QKI: variants seen among roughly 807,000 people sequenced by gnomAD.
QKI encodes QKI, KH domain containing RNA binding, also known as KH domain-containing RNA-binding protein QKI.
Under a neutral mutation model 39.0 loss-of-function variants are expected in QKI, and 10 were observed. The ratio of observed to expected loss-of-function variants is 0.26; its 90% CI spans 0.16 to 0.43. QKI has a LOEUF of 0.43. QKI is among the 20% of genes least tolerant of loss of function. QKI has a pLI of 1.00. For synonymous variants in QKI, 204 were observed against 155.4 expected (o/e 1.31, Z -2.33); for missense variants, 218 against 428.0 (o/e 0.51, Z 4.33).
At chr6:163,525,600 TC>T (rs1382861905) in intron 3 of QKI, among the ~76,000 whole-genome samples, 1 of 151,626 alleles carries the variant, frequency 6.6e-6, no homozygotes, top group Admixed American at 6.6e-5. Context: ...CTCGTGATCC[TC>T]CCCCCTCCCC....
intron 3 of QKI, among the ~76,000 whole-genome samples, chr6:163,521,824 A>G (rs1459217927): frequency 6.6e-6 from 1 of 152,052 alleles, no homozygotes; most frequent in African/African-American, 2.4e-5. Flanking sequence ...CCAGGCCTGT[A>G]TTTTTTAACC....
At chr6:163,490,401 C>A (rs554170901) in intron 3 of QKI, among the ~76,000 whole-genome samples, 1 of 152,152 alleles carries the variant, frequency 6.6e-6, no homozygotes, top group African/African-American at 2.4e-5. Flanking sequence ...TGAACTGATG[C>A]AGCGGAGATG....
At chr6:163,476,522 A>G (rs1792618775) in intron 2 of QKI, among the ~76,000 whole-genome samples, 2 of 152,180 alleles carry the variant, frequency 1.3e-5, no homozygotes, top group African/African-American at 4.8e-5. Flanking sequence ...AGTCTTTGAG[A>G]TGGAAGTCAT....
chr6:163,482,405 A>G (rs1793141084), intron 3 of QKI, among the ~76,000 whole-genome samples: 1 of 152,072 alleles, frequency 6.6e-6, no homozygotes. Context: ...TCTCCAGAAA[A>G]CACCATCTGA....
At chr6:163,431,623 G>C (rs1027753678) in intron 1 of QKI, among the ~76,000 whole-genome samples, 1 of 152,000 alleles carries the variant, frequency 6.6e-6, no homozygotes, top group Non-Finnish European at 1.5e-5. Context: ...TGTGAGATCT[G>C]TCAGTAACAC....
intron 3 of QKI, among the ~76,000 whole-genome samples, chr6:163,506,324 A>G (rs1025025065): frequency 2.6e-5 from 4 of 152,198 alleles, no homozygotes; most frequent in African/African-American, 9.6e-5. Context: ...TGAATGCACT[A>G]TAAAAGTGGT....
intron 3 of QKI, among the ~76,000 whole-genome samples, chr6:163,482,359 G>A (rs1158699593): frequency 2.6e-5 from 4 of 152,108 alleles, no homozygotes; most frequent in Non-Finnish European, 4.4e-5. Context: ...TGTGACCCCA[G>A]ATGTTGTAAG....
chr6:163,566,043 CG>C (rs1783344572), intron 6 of QKI: 4 of 1,578,732 alleles, frequency 2.5e-6, no homozygotes, highest in Admixed American at 3.5e-5. Flanking sequence ...CAGCAGCCTC[CG>C]GGGGAAAAAA....
At chr6:163,559,515 TTC>T (rs1233083332) in intron 4 of QKI, among the ~76,000 whole-genome samples, 5 of 152,332 alleles carry the variant, frequency 3.3e-5, no homozygotes, top group East Asian at 1.9e-4. Flanking sequence ...AACAAATAAT[TTC>T]TGTGTCTTTC....
At chr6:163,435,142 A>G (rs1315804938) in intron 1 of QKI, among the ~76,000 whole-genome samples, 1 of 152,232 alleles carries the variant, frequency 6.6e-6, no homozygotes, top group Non-Finnish European at 1.5e-5. Context: ...ATATTATCCA[A>G]AAAACATAAA....
chr6:163,514,229 TA>T (rs1236666567), intron 3 of QKI, among the ~76,000 whole-genome samples: 2 of 152,104 alleles, frequency 1.3e-5, no homozygotes, highest in Non-Finnish European at 1.5e-5. Context: ...AACCTTAAAA[TA>T]CTTTTTAAGA....
intron 2 of QKI, among the ~76,000 whole-genome samples, chr6:163,456,491 GTTA>G (rs1790926280): frequency 6.6e-6 from 1 of 152,142 alleles, no homozygotes; most frequent in Non-Finnish European, 1.5e-5. Flanking sequence ...GAAAAAAGGA[GTTA>G]TTATAATATC....
At chr6:163,437,432 C>A (rs1209858436) in intron 1 of QKI, among the ~76,000 whole-genome samples, 1 of 152,072 alleles carries the variant, frequency 6.6e-6, no homozygotes, top group Non-Finnish European at 1.5e-5. Context: ...AAATTCAGTT[C>A]CCATAGATAC....
intron 3 of QKI, among the ~76,000 whole-genome samples, chr6:163,480,190 AG>A (rs1297897273): frequency 1.3e-4 from 20 of 152,214 alleles, no homozygotes; most frequent in African/African-American, 4.6e-4. Flanking sequence ...TTAAAAAAAT[AG>A]ATTTTGATGG....
chr6:163,451,547 A>G (rs1384624359), intron 1 of QKI, among the ~76,000 whole-genome samples: 1 of 152,216 alleles, frequency 6.6e-6, no homozygotes, highest in Non-Finnish European at 1.5e-5. Context: ...GTTTATTAAA[A>G]CAAATTTATA....
intron 3 of QKI, among the ~76,000 whole-genome samples, chr6:163,496,775 T>G (rs543896441): frequency 5.3e-4 from 81 of 152,306 alleles, no homozygotes; most frequent in African/African-American, 1.7e-3. Context: ...CCCTTATGTA[T>G]GTGTAAACTT....
At chr6:163,497,859 T>G (rs1244415259) in intron 3 of QKI, among the ~76,000 whole-genome samples, 3 of 152,138 alleles carry the variant, frequency 2.0e-5, no homozygotes, top group Admixed American at 6.6e-5. Context: ...CATAGTCACC[T>G]TCACATTTGG....
chr6:163,430,183 G>C (rs1158658029), intron 1 of QKI, among the ~76,000 whole-genome samples: 1 of 152,062 alleles, frequency 6.6e-6, no homozygotes, highest in Non-Finnish European at 1.5e-5. Flanking sequence ...TTTGGTCTTA[G>C]CTTTTTCCTT....
intron 3 of QKI, among the ~76,000 whole-genome samples, chr6:163,494,334 G>A (rs896367249): frequency 9.9e-5 from 15 of 152,262 alleles, no homozygotes; most frequent in South Asian, 6.2e-4. Flanking sequence ...GTAGGGAGGC[G>A]GTCCTGGGAC....
Sources: gnomAD v4.1 joint callset for allele counts (sites outside exome capture counted in the v4.1 genomes callset) on GRCh38, gnomAD v4.1.1 for gene constraint, MANE v1.5 for transcripts, NCBI Gene and HGNC (gene_info 2026-07-23, HGNC 2026-07-21) for gene names.